ACE: variants seen among roughly 807,000 people sequenced by gnomAD.
ACE encodes the protein angiotensin I converting enzyme.
In ACE, 122 loss-of-function variants were observed where a neutral mutation model predicts 162.3. The observed-to-expected ratio is 0.75, with a 90% CI of 0.65 to 0.87. The LOEUF is 0.87. Ranked by LOEUF, ACE falls within the 40% of genes least tolerant of loss-of-function variation. ACE has a pLI of 0.00. For synonymous variants in ACE, 796 were observed against 720.6 expected (o/e 1.10, Z -1.68); for missense variants, 1,799 against 1,735.1 (o/e 1.04, Z -0.65).
In ACE at chr17:63,489,095, C is replaced by G. The variant is rs753727679; in HGVS notation, c.2604C>G (p.His868Gln). 15 of 1,612,832 alleles carry G rather than the reference C, an allele frequency of 9.3e-6. No homozygotes were observed. In the South Asian group the frequency reaches 1.5e-4, roughly 17 times the overall value. ...RALHRHYGAQ[H>Q]INLEGPIPAH... ...TGCACCGTCACTACGGGGCCCAGCACATCAACCTGGAGGGGCCCATTCCTG... is the reference window on the plus strand; with the variant it reads ...TGCACCGTCACTACGGGGCCCAGCAGATCAACCTGGAGGGGCCCATTCCTG... The change falls in exon 17 of 25, where the codon CAC (histidine) becomes CAG (glutamine). Residue 868 changes from histidine (H) to glutamine (Q), a missense_variant. His to Gln is a conservative substitution (Grantham distance 24, BLOSUM62 0). Coordinates refer to ENST00000290866, the MANE Select transcript of ACE (RefSeq NM_000789.4).
At chr17:63,488,323 C>T (rs2030103886) in intron 15 of ACE, among the ~76,000 whole-genome samples, 2 of 145,496 alleles carry the variant, frequency 1.4e-5, no homozygotes, top group South Asian at 4.4e-4. Context: ...GGCGCCACTG[C>T]ACTCCAGCCT....
intron 3 of ACE, among the ~76,000 whole-genome samples, chr17:63,479,454 C>T (rs1003745869): frequency 4.6e-5 from 7 of 152,194 alleles, no homozygotes; most frequent in Non-Finnish European, 8.8e-5. Flanking sequence ...CCGCTCCAGC[C>T]CCCTTTATGA....
At chr17:63,478,213 A>G (rs2147525933) in intron 2 of ACE, 115 bp downstream of exon 2, 1 of 1,353,278 alleles carries the variant, frequency 7.4e-7, no homozygotes, top group South Asian at 1.4e-5. Context: ...ATGGGCCCTG[A>G]CAGAAGGGAA....
chr17:63,481,617 C>G lies in ACE; in HGVS notation c.997C>G (p.Leu333Val), dbSNP rs983222441. 34 of 1,613,978 alleles carry G rather than the reference C, an allele frequency of 2.1e-5. No individual in the cohort carries two copies. Among genetic ancestry groups the G allele is most frequent in the Non-Finnish European group, 2.7e-5 (32 of 1,180,032 alleles). ...GGTGGCAGAGGAGTTCTTCACCTCC[C>G]TGGAGCTCTCCCCCATGCCTCCCGA... ...FRVAEEFFTS[L>V]ELSPMPPEFW... Residue 333 changes from leucine to valine, a missense_variant, in exon 7 of 25, where the codon CTG becomes GTG. By Grantham distance (32) the Leu-to-Val change is conservative (BLOSUM62 1). Transcript: ENST00000290866.
rs1379724938 is a variant in ACE at position 63,483,505 on chromosome 17, C to T, written c.1533C>T (p.Thr511=). 15 of 1,614,034 alleles carry T rather than the reference C, an allele frequency of 9.3e-6. No homozygotes were observed. The highest frequency in any genetic ancestry group is 1.2e-5 in the Non-Finnish European group (14 of 1,180,040). Residue 511 remains threonine (T), a synonymous_variant, in exon 10 of 25, where the codon ACC becomes ACT. Coordinates refer to ENST00000290866, the MANE Select transcript of ACE (RefSeq NM_000789.4). ...GICPPVTRNE[T]HFDAGAKFHV... ...GTCCTCCTGTTACCCGAAACGAAAC[C>T]CACTTTGATGCTGGAGCTAAGTTTC...
Position 63,477,342 on chromosome 17 carries a change from A to C in ACE, c.248A>C (p.Gln83Pro). Residue 83 changes from glutamine (Q) to proline (P), a missense_variant and splice_region_variant, in exon 1 of 25, where the codon CAG (glutamine) becomes CCG (proline). Transcript: ENST00000290866. ...ATCACCGCGGAGAATGCAAGGCGCC[A>C]GGTGGGCGCCCGGGCCCGGGCGGGG... ...TNITAENARR[Q>P]EEAALLSQEF... 2 of 1,214,936 alleles carry C rather than the reference A, an allele frequency of 1.6e-6. No individual in the cohort carries two copies. Among genetic ancestry groups the C allele is most frequent in the Admixed American group, 3.4e-5 (1 of 29,502 alleles). The allele number at this position is 1,214,936 out of a possible 1,614,324, so 75.3% of individuals were successfully genotyped here.
Position 63,497,656 on chromosome 17 carries a change from A to G in ACE, c.*290A>G, listed in dbSNP as rs1222431896. The G allele has an allele frequency of 4.8e-6, 3 of 623,604 alleles. No individual in the cohort carries two copies. Among genetic ancestry groups the G allele is most frequent in the Non-Finnish European group, 8.9e-6 (3 of 338,118 alleles). The allele number at this position is 623,604 out of a possible 1,614,324, so 38.6% of individuals were successfully genotyped here. On this transcript the variant is annotated 3_prime_UTR_variant, in exon 25 of 25. Transcript: ENST00000290866. ...TGTCCCTCACAGGGAAGCCAGGGAC[A>G]GGGACAGGCTGCTTTCCTGCCTCCT...
chr17:63,482,957 C>T (rs1405576720), intron 8 of ACE, 72 bp from the exon 9 acceptor site: 11 of 1,519,048 alleles, frequency 7.2e-6, no homozygotes, highest in Admixed American at 1.7e-5. Flanking sequence ...GCTGCCCCGC[C>T]AGCCCACACT....
At chr17:63,480,849 T>G (rs2049695479) in intron 5 of ACE, among the ~76,000 whole-genome samples, 1 of 152,140 alleles carries the variant, frequency 6.6e-6, no homozygotes, top group South Asian at 2.1e-4. Flanking sequence ...GCCTCAGGAT[T>G]GAGTGGCTGG....
rs987185078 is a variant in ACE at position 63,482,379 on chromosome 17, T to A, written c.1119-87T>A. 4 of 1,220,282 alleles carry A rather than the reference T, an allele frequency of 3.3e-6. No homozygotes were observed. The African/African-American group carries it at 6.0e-5, about 18-fold the overall frequency. 75.6% of individuals were successfully genotyped at this position (1,220,282 alleles called of 1,614,324 possible). On this transcript the variant is annotated intron_variant, in intron 7 of 24. Transcript: ENST00000290866. The stretch of plus-strand genomic sequence containing the variant: ...CAGGGCAGCTCCCTCCTCATTCCTG[T>A]CTTTCAGGTGCCAATCTGCCCTGTG...
chr17:63,493,550 T>G lies in ACE; in HGVS notation c.3027T>G (p.Gly1009=). The change falls in exon 20 of 25, where the codon GGT becomes GGG. Residue 1009 remains glycine, a synonymous_variant. Transcript: ENST00000290866. Reference sequence around the variant, plus strand: ...ACTTACCTGTGGCCTTGAGGGAGGGTGCCAACCCCGGCTTCCATGAGGCCA... The same window carrying G: ...ACTTACCTGTGGCCTTGAGGGAGGGGGCCAACCCCGGCTTCCATGAGGCCA... ...YKDLPVALRE[G]ANPGFHEAIG... The G allele has an allele frequency of 1.2e-6, 2 of 1,613,592 alleles. No individual in the cohort carries two copies. Among genetic ancestry groups the G allele is most frequent in the Non-Finnish European group, 1.7e-6 (2 of 1,179,966 alleles).
At position 63,483,950 on chromosome 17, in the gene ACE, C is replaced by T. The variant is rs769142434; in HGVS notation, c.1688C>T (p.Thr563Ile). The change falls in exon 11 of 25, where the codon ACC (threonine) becomes ATC (isoleucine). Residue 563 changes from threonine to isoleucine, a missense_variant. Thr to Ile is a moderately conservative substitution (Grantham distance 89, BLOSUM62 -1). Transcript: ENST00000290866. ...CACCAGTGTGACATCTACCGGTCCA[C>T]CAAGGCAGGGGCCAAGCTCCGGTGT... ...PLHQCDIYRS[T>I]KAGAKLRKVL... 2.9e-5 allele frequency: 47 copies of T among 1,613,888 alleles called. No individual in the cohort carries two copies. The African/African-American group carries it at 5.7e-4, about 20-fold the overall frequency.
Position 63,495,335 on chromosome 17 carries a change from C to T in ACE, c.3380+865C>T, listed in dbSNP as rs12709439. On this transcript the variant is annotated intron_variant, in intron 22 of 24. Transcript: ENST00000290866. ...CTAGAGAGACCTCAGGCTGGAGTTCCAGGTGCCCCCGGGCTACAGGTAGCC... is the reference window on the plus strand; with the variant it reads ...CTAGAGAGACCTCAGGCTGGAGTTCTAGGTGCCCCCGGGCTACAGGTAGCC... Among the ~76,000 whole-genome samples, 1,112 of 152,278 alleles carry T rather than the reference C, an allele frequency of 7.3e-3. 8 individuals are homozygous for T. The highest frequency in any genetic ancestry group is 0.013 in the South Asian group (61 of 4,832).
chr17:63,488,799 C>T lies in ACE; in HGVS notation c.2449+8C>T. 6.2e-7 allele frequency: 1 copy of T among 1,613,968 alleles called. No individual in the cohort carries two copies. Among genetic ancestry groups the T allele is most frequent in the Non-Finnish European group, 8.5e-7 (1 of 1,180,018 alleles). On this transcript the variant is annotated splice_region_variant and intron_variant, in intron 16 of 24. Transcript: ENST00000290866. ...AGGCTGCCCGGCTCAATGGTGAGTC[C>T]CTGCTGCCAACATCACTGGCACTTG...
At chr17:63,495,925 C>G (rs754450838) in intron 22 of ACE, among the ~76,000 whole-genome samples, 15 of 152,344 alleles carry the variant, frequency 9.8e-5, no homozygotes, top group Non-Finnish European at 1.8e-4. Context: ...AATCCTCCAG[C>G]CTTGACTGGC....
At position 63,496,954 on chromosome 17, in the gene ACE, C is replaced by T. The variant is rs1433516779; in HGVS notation, c.3660C>T (p.Gly1220=). The change falls in exon 24 of 25, where the codon GGC becomes GGT. Residue 1220 remains glycine, a synonymous_variant. Transcript: ENST00000290866. ...ACGAGCTGCATGGGGAGAAGCTGGG[C>T]TGGCCGCAGTACAACTGGACGCCGA... ...TENELHGEKL[G]WPQYNWTPNS... 6.2e-7 allele frequency: 1 copy of T among 1,612,750 alleles called. No homozygotes were observed. The highest frequency in any genetic ancestry group is 2.2e-5 in the East Asian group (1 of 44,864).
At chr17:63,479,179 G>A (rs537657120) in intron 3 of ACE, 79 bp downstream of exon 3, 1 of 1,199,200 alleles carries the variant, frequency 8.3e-7, no homozygotes, top group African/African-American at 1.5e-5. Flanking sequence ...CCATGCAGTT[G>A]TGTAGGGTCT....
chr17:63,485,395 C>G, intron 13 of ACE, 23 bp downstream of exon 13: 2 of 1,613,684 alleles, frequency 1.2e-6, no homozygotes, highest in African/African-American at 1.3e-5. Context: ...TCCCCACCCC[C>G]AAACCTGAGC....
At position 63,483,012 on chromosome 17, in the gene ACE, A is replaced by G. The variant is rs139287666; in HGVS notation, c.1343-17A>G. On this transcript the variant is annotated splice_polypyrimidine_tract_variant and intron_variant, in intron 8 of 24. Coordinates refer to ENST00000290866, the MANE Select transcript of ACE (RefSeq NM_000789.4). ...CCTCTGACCTCTTCCCTCTCCTTTC[A>G]TCTCATCTCCCAACAGAAAGTGACA... 2.0e-4 allele frequency: 321 copies of G among 1,613,456 alleles called. 1 individual carries two copies. The African/African-American group carries it at 3.5e-3, about 18-fold the overall frequency.
Sources: gnomAD v4.1 joint callset for allele counts (sites outside exome capture counted in the v4.1 genomes callset) on GRCh38, gnomAD v4.1.1 for gene constraint, MANE v1.5 for transcripts, NCBI Gene and HGNC (gene_info 2026-07-23, HGNC 2026-07-21) for gene names.